Variants in BTD observed in about 807,000 individuals in gnomAD.
BTD encodes the protein biotinidase, also known as biocytinase.
In BTD, 13 loss-of-function variants were observed where a neutral mutation model predicts 17.7. The ratio of observed to expected loss-of-function variants is 0.74; its 90% CI spans 0.48 to 1.17. BTD has a LOEUF of 1.17. BTD is among the 50% of genes most tolerant of loss of function. The pLI, the probability that BTD is intolerant of heterozygous loss-of-function variation, is 0.00. For synonymous variants in BTD, 240 were observed against 245.2 expected (o/e 0.98, Z 0.20); for missense variants, 674 against 650.4 (o/e 1.04, Z -0.39).
At position 15,644,252 on chromosome 3, in the gene BTD, A is replaced by G. The variant is rs2065624739; in HGVS notation, c.400-64A>G. 4 of 1,515,786 alleles carry G rather than the reference A, an allele frequency of 2.6e-6. No homozygotes were observed. The South Asian group carries it at 4.7e-5, about 18-fold the overall frequency. The allele number at this position is 1,515,786 out of a possible 1,614,324, so 93.9% of individuals were successfully genotyped here. On this transcript the variant is annotated intron_variant, in intron 3 of 3. Transcript: ENST00000643237. ...CCTGACCTCATGATCCACCCGCCTC[A>G]GCCTCCCACAGTGCTGGGATTACAG...
downstream of BTD, among the ~76,000 whole-genome samples, chr3:15,656,195 CA>C (rs1220704413): frequency 6.6e-6 from 1 of 152,150 alleles, no homozygotes; most frequent in African/African-American, 2.4e-5. Flanking sequence ...CCTTTGTTTT[CA>C]AACCTCAACT....
upstream of BTD, chr3:15,601,573 G>A (rs2064244504): frequency 3.1e-6 from 5 of 1,596,304 alleles, no homozygotes; most frequent in East Asian, 1.1e-4. Context: ...CACCTCTGAC[G>A]GACAGGAGGG....
intron 1 of BTD, among the ~76,000 whole-genome samples, chr3:15,617,981 G>A (rs1027132929): frequency 6.6e-6 from 1 of 152,126 alleles, no homozygotes; most frequent in Non-Finnish European, 1.5e-5. Context: ...TCTAGAGACA[G>A]GTCTCGCTCT....
intron 3 of BTD, among the ~76,000 whole-genome samples, chr3:15,659,274 A>G (rs1230211391): frequency 2.6e-5 from 4 of 151,816 alleles, no homozygotes; most frequent in Non-Finnish European, 4.4e-5. Flanking sequence ...TCGTGCTTCC[A>G]CACATGGCTT....
At chr3:15,637,438 CTTATAAA>C (rs1026540951) in intron 2 of BTD, among the ~76,000 whole-genome samples, 15 of 152,148 alleles carry the variant, frequency 9.9e-5, no homozygotes, top group African/African-American at 2.7e-4. Flanking sequence ...CCATCCTGTA[CTTATAAA>C]TTATAAAGGT....
intron 3 of BTD, among the ~76,000 whole-genome samples, chr3:15,661,265 C>CAAAAAAAAA (rs56165902): frequency 7.5e-5 from 7 of 93,778 alleles, no homozygotes; most frequent in Admixed American, 2.1e-4. Context: ...GACTCTGTCT[C>CAAAAAAAAA]AAAAAAAAAA....
chr3:15,638,469 T>C (rs1430529471), intron 2 of BTD, among the ~76,000 whole-genome samples: 1 of 152,218 alleles, frequency 6.6e-6, no homozygotes, highest in African/African-American at 2.4e-5. Context: ...CTTTCTTATC[T>C]TAGCCACAAA....
downstream of BTD, among the ~76,000 whole-genome samples, chr3:15,714,403 G>T (rs1233820329): frequency 6.6e-6 from 1 of 151,882 alleles, no homozygotes; most frequent in Admixed American, 6.6e-5. Context: ...GAAAGATACA[G>T]CTACGTGGTA....
At chr3:15,603,768 G>A (rs1485838952) in intron 1 of BTD, among the ~76,000 whole-genome samples, 1 of 152,242 alleles carries the variant, frequency 6.6e-6, no homozygotes, top group African/African-American at 2.4e-5. Context: ...CCAAATGGGA[G>A]AAATTGGTCA....
At chr3:15,632,322 A>G (rs1215447597) in intron 1 of BTD, among the ~76,000 whole-genome samples, 2 of 152,112 alleles carry the variant, frequency 1.3e-5, no homozygotes, top group Non-Finnish European at 2.9e-5. Flanking sequence ...GACCCCTGAC[A>G]CCTAACCCCT....
intron 3 of BTD, among the ~76,000 whole-genome samples, chr3:15,692,674 C>T (rs1027102051): frequency 1.5e-4 from 23 of 151,990 alleles, no homozygotes; most frequent in African/African-American, 4.8e-4. Flanking sequence ...GGGAGAGTTT[C>T]GTGTAAGAAA....
At chr3:15,696,058 C>CA in intron 3 of BTD, 1 of 980,356 alleles carries the variant, frequency 1.0e-6, no homozygotes, top group South Asian at 1.6e-5. Flanking sequence ...TTCCTTGATC[C>CA]ATTTATTCTC....
Position 15,696,822 on chromosome 3 carries a change from T to C in BTD, c.400-13238T>C, listed in dbSNP as rs553661286. ...ATTTCATTTCTGTGATAATAAAATATGAGGAAAATAATTTTAAAAAACACT... is the reference window on the plus strand; with the variant it reads ...ATTTCATTTCTGTGATAATAAAATACGAGGAAAATAATTTTAAAAAACACT... On this transcript the variant is annotated intron_variant, in intron 3 of 3. Coordinates refer to the BTD transcript ENST00000672141. 3.6e-4 allele frequency among the ~76,000 whole-genome samples: 55 copies of C among 152,166 alleles called. No individual in the cohort carries two copies. The South Asian group carries it at 5.8e-3, about 16-fold the overall frequency.
Position 15,676,840 on chromosome 3 carries a change from A to G in BTD, c.400-33220A>G, listed in dbSNP as rs1167923748. ...GTGATCATTTTAGAAATGAGTTTTG[A>G]CAGTTGTAAAACTATTAAAATTGCT... is the stretch of plus-strand genomic sequence containing the variant. On this transcript the variant is annotated intron_variant, in intron 3 of 3. Transcript: ENST00000672141. The G allele has an allele frequency of 5.0e-6, 3 of 598,794 alleles. No individual in the cohort carries two copies. In the East Asian group the frequency reaches 9.2e-5, roughly 18 times the overall value. 37.1% of individuals were successfully genotyped at this position (598,794 alleles called of 1,614,324 possible).
In BTD at chr3:15,721,006, C is replaced by T. The variant is rs373009412; in HGVS notation, c.1016-764C>T. 8.1e-6 allele frequency: 13 copies of T among 1,613,730 alleles called. No homozygotes were observed. The highest frequency in any genetic ancestry group is 1.6e-4 in the Middle Eastern group (1 of 6,080). ...AGCAGCAAAGTGCAAAGGAGTAAAT[C>T]CTTTTTCATTCTTTTGATTCACAAT... is the stretch of plus-strand genomic sequence containing the variant. On this transcript the variant is annotated intron_variant, in intron 4 of 4. Coordinates refer to the BTD transcript ENST00000672427.
downstream of BTD, chr3:15,713,772 C>G: frequency 2.0e-6 from 1 of 498,642 alleles, no homozygotes; most frequent in Non-Finnish European, 3.5e-6. Flanking sequence ...AGATTTCATT[C>G]ATAGCTCATT....
At chr3:15,618,802 G>A (rs2064867880) in intron 1 of BTD, among the ~76,000 whole-genome samples, 1 of 152,236 alleles carries the variant, frequency 6.6e-6, no homozygotes, top group African/African-American at 2.4e-5. Flanking sequence ...TGGGATTACA[G>A]GCGTGAGCCA....
intron 3 of BTD, among the ~76,000 whole-genome samples, chr3:15,642,454 C>CTTT (rs34597886): frequency 5.2e-5 from 7 of 135,770 alleles, no homozygotes; most frequent in South Asian, 2.3e-4. Flanking sequence ...TTGACATCCT[C>CTTT]TTTTTTTTTT....
chr3:15,716,459 T>C (rs1179530520), downstream of BTD, among the ~76,000 whole-genome samples: 1 of 151,830 alleles, frequency 6.6e-6, no homozygotes, highest in African/African-American at 2.4e-5. Flanking sequence ...ACCTGGCTAA[T>C]TTATTTTTTG....
Sources: gnomAD v4.1 joint callset for allele counts (sites outside exome capture counted in the v4.1 genomes callset) on GRCh38, gnomAD v4.1.1 for gene constraint, MANE v1.5 for transcripts, NCBI Gene and HGNC (gene_info 2026-07-23, HGNC 2026-07-21) for gene names.